NAALADL2: variants seen among roughly 807,000 people sequenced by gnomAD.
NAALADL2 encodes inactive N-acetylated-alpha-linked acidic dipeptidase-like protein 2.
A neutral mutation model predicts 87.2 loss-of-function variants in NAALADL2; 76 were observed. The observed-to-expected ratio is 0.87, with a 90% confidence interval of 0.72 to 1.05. The LOEUF (loss-of-function observed/expected upper bound fraction) is 1.05, where lower values mean the gene tolerates loss of function less well. Ranked by LOEUF, NAALADL2 falls within the 50% of genes least tolerant of loss-of-function variation. The pLI, the probability that NAALADL2 is intolerant of heterozygous loss-of-function variation, is 0.00. For synonymous variants in NAALADL2, 354 were observed against 331.0 expected, an observed-to-expected ratio of 1.07 and a Z score of -0.75; for missense variants, 1,089 against 945.8, an observed-to-expected ratio of 1.15 and a Z score of -1.99.
chr3:174,712,490 C>A (rs565380258), intron 2 of NAALADL2, among the ~76,000 whole-genome samples: 11 of 144,006 alleles, frequency 7.6e-5, no homozygotes, highest in Non-Finnish European at 1.3e-4. Flanking sequence ...CGGGTTCATG[C>A]CATTCTCCTG....
At chr3:175,271,429 C>A (rs971996506) in intron 4 of NAALADL2, among the ~76,000 whole-genome samples, 2 of 152,138 alleles carry the variant, frequency 1.3e-5, no homozygotes, top group Non-Finnish European at 2.9e-5. Flanking sequence ...AGTCTTCATG[C>A]ACATGAAAGA....
chr3:175,424,581 T>C (rs1716456602), intron 5 of NAALADL2, among the ~76,000 whole-genome samples: 2 of 152,274 alleles, frequency 1.3e-5, no homozygotes, highest in African/African-American at 4.8e-5. Context: ...TAGTTGTAGA[T>C]ATGCAGCATT....
intron 5 of NAALADL2, among the ~76,000 whole-genome samples, chr3:175,423,028 A>T (rs868411377): frequency 1.3e-3 from 149 of 111,302 alleles, no homozygotes; most frequent in African/African-American, 2.1e-3. Context: ...GAAAAAAAAA[A>T]ATATATATAT....
chr3:175,223,139 A>G (rs868421144), intron 2 of NAALADL2, among the ~76,000 whole-genome samples: 10 of 135,112 alleles, frequency 7.4e-5, no homozygotes, highest in Non-Finnish European at 1.2e-4. Flanking sequence ...TGTGGTAAGG[A>G]CACTGTTCTC....
intron 9 of NAALADL2, among the ~76,000 whole-genome samples, chr3:175,552,952 C>T (rs1419533157): frequency 6.6e-6 from 1 of 151,970 alleles, no homozygotes. Context: ...TATATTTTAT[C>T]ATTTTTATTT....
intron 3 of NAALADL2, among the ~76,000 whole-genome samples, chr3:174,852,872 G>A (rs760457960): frequency 1.4e-4 from 22 of 152,020 alleles, no homozygotes; most frequent in Non-Finnish European, 3.1e-4. Context: ...ATAGATGATG[G>A]AGCAGAATAA....
intron 11 of NAALADL2, among the ~76,000 whole-genome samples, chr3:175,641,411 G>A (rs891423617): frequency 2.0e-5 from 3 of 151,902 alleles, no homozygotes; most frequent in Non-Finnish European, 4.4e-5. Context: ...GCTTCCACTA[G>A]ACTATAAATT....
chr3:174,820,162 A>G (rs989296780), intron 3 of NAALADL2, among the ~76,000 whole-genome samples: 1 of 152,206 alleles, frequency 6.6e-6, no homozygotes, highest in Non-Finnish European at 1.5e-5. Flanking sequence ...CTCTGCCACA[A>G]TACATAGATG....
chr3:175,718,668 T>A, intron 11 of NAALADL2: 2 of 1,559,566 alleles, frequency 1.3e-6, no homozygotes, highest in Non-Finnish European at 1.8e-6. Flanking sequence ...GTGGCTGCCA[T>A]CTTGCGTTTT....
chr3:174,546,748 C>T (rs1206054254), intron 1 of NAALADL2, among the ~76,000 whole-genome samples: 1 of 152,168 alleles, frequency 6.6e-6, no homozygotes, highest in Non-Finnish European at 1.5e-5. Flanking sequence ...TCCTCGACCT[C>T]CTAGGCTCAA....
intron 1 of NAALADL2, among the ~76,000 whole-genome samples, chr3:174,985,945 T>A (rs1745803484): frequency 6.6e-6 from 1 of 151,548 alleles, no homozygotes; most frequent in Non-Finnish European, 1.5e-5. Context: ...AGAGCGAAAC[T>A]CCGTCTCAAA....
intron 6 of NAALADL2, 43 bp from the exon 7 acceptor site, chr3:175,463,357 TA>T: frequency 1.6e-6 from 2 of 1,225,954 alleles, no homozygotes; most frequent in Non-Finnish European, 2.3e-6. Flanking sequence ...AAAAATACAA[TA>T]AAATATAAAG....
At position 174,738,595 on chromosome 3, in the gene NAALADL2, G is replaced by C. The variant is rs986106615; in HGVS notation, c.-9+849G>C. On this transcript the variant is annotated intron_variant, in intron 3 of 3. Transcript: ENST00000434257. ...ATTAAGATTCAAGTGTTTTAAAATG[G>C]TCAAAGAAATAAGTTGGGGAGGAGC... Among the ~76,000 whole-genome samples the C allele has an allele frequency of 6.6e-5, 10 of 152,240 alleles. No individual in the cohort carries two copies. The East Asian group carries it at 1.9e-3, about 29-fold the overall frequency.
intron 2 of NAALADL2, among the ~76,000 whole-genome samples, chr3:174,621,132 A>G (rs1437531975): frequency 2.0e-5 from 3 of 152,052 alleles, no homozygotes; most frequent in Non-Finnish European, 2.9e-5. Context: ...ACAGTCTAAC[A>G]TCTCCACACT....
intron 11 of NAALADL2, among the ~76,000 whole-genome samples, chr3:175,652,450 T>C (rs762795952): frequency 6.6e-6 from 1 of 151,740 alleles, no homozygotes; most frequent in African/African-American, 2.4e-5. Context: ...TAATATATCA[T>C]GCTTAGGACT....
chr3:174,946,619 A>G (rs1169397579), intron 1 of NAALADL2, among the ~76,000 whole-genome samples: 1 of 152,176 alleles, frequency 6.6e-6, no homozygotes, highest in African/African-American at 2.4e-5. Context: ...TAGTTGAAAC[A>G]TTTTTGTGAT....
At chr3:175,024,951 T>G (rs1752032894) in intron 1 of NAALADL2, among the ~76,000 whole-genome samples, 1 of 152,078 alleles carries the variant, frequency 6.6e-6, no homozygotes, top group Admixed American at 6.6e-5. Context: ...GTATAAAATG[T>G]TTATTAGATA....
chr3:175,324,293 G>A lies in NAALADL2; in HGVS notation c.1058G>A (p.Gly353Glu), dbSNP rs1392946585. The change falls in exon 5 of 14, where the codon GGA becomes GAA. Residue 353 changes from glycine to glutamate, a missense_variant. By Grantham distance (98) the Gly-to-Glu change is moderately conservative (BLOSUM62 -2). Coordinates refer to ENST00000454872, the MANE Select transcript of NAALADL2 (RefSeq NM_207015.3). Reference protein sequence around the residue: ...DTFMVSLNPGGDPSTPGYPSV... With the variant: ...DTFMVSLNPGEDPSTPGYPSV... ...TTCATGGTGTCACTGAATCCAGGAG[G>A]AGACCCTTCTACGCCTGGTTACCCA... 1.2e-6 allele frequency: 2 copies of A among 1,613,210 alleles called. No homozygotes were observed. Among genetic ancestry groups the A allele is most frequent in the Non-Finnish European group, 1.7e-6 (2 of 1,179,612 alleles).
intron 2 of NAALADL2, among the ~76,000 whole-genome samples, chr3:175,128,577 T>A (rs1476105468): frequency 6.6e-6 from 1 of 152,188 alleles, no homozygotes; most frequent in Non-Finnish European, 1.5e-5. Flanking sequence ...CCTGCTGTAT[T>A]GTTTCAGTTC....
Sources: gnomAD v4.1 joint callset for allele counts (sites outside exome capture counted in the v4.1 genomes callset) on GRCh38, gnomAD v4.1.1 for gene constraint, MANE v1.5 for transcripts, NCBI Gene and HGNC (gene_info 2026-07-23, HGNC 2026-07-21) for gene names.